Variants in TRPC4 observed in about 807,000 individuals in gnomAD.
The protein encoded by TRPC4 is short transient receptor potential channel 4.
Under a neutral mutation model 99.4 loss-of-function variants are expected in TRPC4, and 49 were observed. The observed-to-expected ratio is 0.49, with a 90% CI of 0.39 to 0.63. The LOEUF (loss-of-function observed/expected upper bound fraction) is 0.63, where lower values mean the gene tolerates loss of function less well. Ranked by LOEUF, TRPC4 falls within the 20% of genes least tolerant of loss-of-function variation. The probability of loss-of-function intolerance (pLI) is 0.00; values close to 1 mark genes in which losing one functional copy is unlikely to be tolerated. For missense variants in TRPC4, 898 were observed against 1,152.9 expected, an observed-to-expected ratio of 0.78 and a Z score of 3.20; for synonymous variants, 454 against 425.9, an observed-to-expected ratio of 1.07 and a Z score of -0.81.
intron 8 of TRPC4, among the ~76,000 whole-genome samples, chr13:37,642,740 T>C (rs866444687): frequency 0.011 from 1,426 of 133,520 alleles, 40 homozygotes; most frequent in East Asian, 0.067. Context: ...CTTTTTCTTT[T>C]TTTTTTTTTT....
chr13:37,709,772 G>T (rs565991240), intron 3 of TRPC4, among the ~76,000 whole-genome samples: 1 of 151,818 alleles, frequency 6.6e-6, no homozygotes, highest in African/African-American at 2.4e-5. Context: ...CTGCAAACTC[G>T]CATACCAATT....
At chr13:37,700,460 T>A (rs1162515371) in intron 3 of TRPC4, among the ~76,000 whole-genome samples, 2 of 152,202 alleles carry the variant, frequency 1.3e-5, no homozygotes, top group African/African-American at 2.4e-5. Flanking sequence ...GAGAGACTCC[T>A]ACTGAAGAAT....
chr13:37,673,097 C>T (rs372649782), intron 5 of TRPC4, among the ~76,000 whole-genome samples: 2 of 108,488 alleles, frequency 1.8e-5, no homozygotes, highest in South Asian at 3.9e-4. Context: ...CCTCCCCCCT[C>T]CCCCCACCCC....
At chr13:37,831,790 A>G (rs1389604091) in intron 1 of TRPC4, among the ~76,000 whole-genome samples, 1 of 152,198 alleles carries the variant, frequency 6.6e-6, no homozygotes, top group Non-Finnish European at 1.5e-5. Context: ...GCACAGAGAG[A>G]CAAATACTTG....
At chr13:37,864,004 G>A (rs1336013433) in intron 1 of TRPC4, among the ~76,000 whole-genome samples, 1 of 151,656 alleles carries the variant, frequency 6.6e-6, no homozygotes, top group East Asian at 1.9e-4. Flanking sequence ...GAGATGAAAT[G>A]CATTAAAAAT....
chr13:37,655,955 T>C (rs145694360), intron 6 of TRPC4, among the ~76,000 whole-genome samples: 18 of 152,290 alleles, frequency 1.2e-4, no homozygotes, highest in Non-Finnish European at 2.2e-4. Context: ...GAGAACATTA[T>C]AATTACTACA....
At chr13:37,856,425 T>C (rs1959175048) in intron 1 of TRPC4, among the ~76,000 whole-genome samples, 1 of 148,944 alleles carries the variant, frequency 6.7e-6, no homozygotes, top group Non-Finnish European at 1.5e-5. Context: ...ATCTGATGCC[T>C]TCGCTGTTGA....
rs57428116 is a variant in TRPC4 at position 37,842,343 on chromosome 13, C to CAAAAAAAAA, written c.-28+27243_-28+27251dup. 4.5e-4 allele frequency among the ~76,000 whole-genome samples: 7 copies of CAAAAAAAAA among 15,646 alleles called. No homozygotes were observed. In the East Asian group the frequency reaches 8.8e-3, roughly 20 times the overall value. 10.3% of individuals were successfully genotyped at this position (15,646 alleles called of 152,430 possible). Reference sequence around the variant, plus strand: ...CTAGCAATTAATGATAGCGTCTAGCCAAAAAAAAAAAAAAAAAAAAAAAAA... The same window carrying CAAAAAAAAA: ...CTAGCAATTAATGATAGCGTCTAGCCAAAAAAAAAAAAAAAAAAAAAAAAAAAAAAAAAA... On this transcript the variant is annotated intron_variant, in intron 1 of 10. Transcript: ENST00000379705.
At chr13:37,686,840 T>G (rs1953498301) in intron 4 of TRPC4, among the ~76,000 whole-genome samples, 1 of 152,212 alleles carries the variant, frequency 6.6e-6, no homozygotes, top group South Asian at 2.1e-4. Flanking sequence ...ACTGTTTAAT[T>G]GTGGCATAAT....
chr13:37,819,093 G>A (rs756158783), intron 1 of TRPC4, among the ~76,000 whole-genome samples: 2 of 151,930 alleles, frequency 1.3e-5, no homozygotes, highest in African/African-American at 2.4e-5. Flanking sequence ...TAATATCACT[G>A]ATCATTAGAG....
At chr13:37,839,183 C>T (rs1754186879) in intron 1 of TRPC4, among the ~76,000 whole-genome samples, 1 of 152,134 alleles carries the variant, frequency 6.6e-6, no homozygotes, top group Admixed American at 6.6e-5. Flanking sequence ...AACAGGATGC[C>T]TTGATACCTT....
At chr13:37,825,181 T>G (rs1305872678) in intron 1 of TRPC4, among the ~76,000 whole-genome samples, 1 of 152,120 alleles carries the variant, frequency 6.6e-6, no homozygotes, top group Non-Finnish European at 1.5e-5. Flanking sequence ...TTAGTAGTCT[T>G]GCTAGTGGTC....
chr13:37,638,521 C>T (rs1227596891), intron 10 of TRPC4, among the ~76,000 whole-genome samples: 2 of 152,104 alleles, frequency 1.3e-5, no homozygotes, highest in Non-Finnish European at 2.9e-5. Flanking sequence ...TAAACAATCA[C>T]TCAATAATTT....
chr13:37,644,488 TTAGG>T (rs1157987941), intron 8 of TRPC4, among the ~76,000 whole-genome samples: 1 of 152,136 alleles, frequency 6.6e-6, no homozygotes, highest in African/African-American at 2.4e-5. Context: ...AAATAATAAC[TTAGG>T]TAGAATTATA....
intron 3 of TRPC4, among the ~76,000 whole-genome samples, chr13:37,725,086 A>T (rs950783780): frequency 1.3e-5 from 2 of 152,292 alleles, no homozygotes; most frequent in South Asian, 4.2e-4. Context: ...ACAAAAAATA[A>T]ATTCTAGAGC....
At chr13:37,754,192 G>A (rs1051508501) in intron 2 of TRPC4, among the ~76,000 whole-genome samples, 45 of 152,040 alleles carry the variant, frequency 3.0e-4, no homozygotes, top group African/African-American at 1.0e-3. Flanking sequence ...TCTCAACGCA[G>A]TCTATTTTAT....
intron 3 of TRPC4, among the ~76,000 whole-genome samples, chr13:37,727,891 AT>A (rs1408751282): frequency 6.6e-6 from 1 of 152,108 alleles, no homozygotes; most frequent in Non-Finnish European, 1.5e-5. Flanking sequence ...TTTTCAACAT[AT>A]AAAATCAATC....
intron 1 of TRPC4, among the ~76,000 whole-genome samples, chr13:37,815,782 A>G (rs1957835724): frequency 6.6e-6 from 1 of 151,926 alleles, no homozygotes; most frequent in South Asian, 2.1e-4. Flanking sequence ...AAACATCTAC[A>G]GAACTTTCTA....
chr13:37,641,970 G>A (rs1951726824), intron 8 of TRPC4, among the ~76,000 whole-genome samples: 2 of 152,156 alleles, frequency 1.3e-5, no homozygotes, highest in South Asian at 4.2e-4. Flanking sequence ...GTGCATAGTA[G>A]GACACATATT....
Sources: allele counts gnomAD v4.1 joint callset (sites outside exome capture counted in the v4.1 genomes callset), GRCh38; gene constraint gnomAD v4.1.1; transcripts MANE v1.5; gene names NCBI Gene and HGNC (gene_info 2026-07-23, HGNC 2026-07-21).